The following RFC1 variants were observed in gnomAD, a reference collection of about 807,000 sequenced individuals.
RFC1 encodes the protein replication factor C subunit 1.
RFC1 carries 37 observed loss-of-function variants against 137.4 expected under a neutral mutation model. That is an observed-to-expected ratio of 0.27 (90% CI 0.21 to 0.35). The LOEUF is 0.35. Ranked by LOEUF, RFC1 falls within the 10% of genes least tolerant of loss-of-function variation. The pLI, the probability that RFC1 is intolerant of heterozygous loss-of-function variation, is 1.00. For missense variants in RFC1, 1,205 were observed against 1,358.5 expected, an observed-to-expected ratio of 0.89 and a Z score of 1.78; for synonymous variants, 429 against 455.7, an observed-to-expected ratio of 0.94 and a Z score of 0.75.
Position 39,348,455 on chromosome 4 carries a change from A to AG in RFC1, c.132+2892_132+2893insC, listed in dbSNP as rs2109749549. Among the ~76,000 whole-genome samples the AG allele has an allele frequency of 2.4e-4, 30 of 127,466 alleles. 1 individual carries two copies. The highest frequency in any genetic ancestry group is 6.7e-4 in the African/African-American group (26 of 38,546). The allele number at this position is 127,466 out of a possible 152,430, so 83.6% of individuals were successfully genotyped here. On this transcript the variant is annotated intron_variant, in intron 2 of 24. Transcript: ENST00000349703. ...AAAAGAAAAGAAAAGAAAAGAAAAG[A>AG]AAAGAAAAGAAAAGAAAAGAAAAGA...
intron 21 of RFC1, among the ~76,000 whole-genome samples, chr4:39,298,176 C>T (rs914032576): frequency 2.6e-5 from 4 of 152,022 alleles, no homozygotes; most frequent in African/African-American, 7.2e-5. Context: ...GGCATGATGG[C>T]GCACACCTAT....
rs567871559 is a variant in RFC1 at position 39,351,003 on chromosome 4, C to T, written c.132+345G>A. ...CGGTGGCTCACGCCTGTAATCTCAG[C>T]ACTTTGGGAGGCCAAGGCGGGCAGA... On this transcript the variant is annotated intron_variant, in intron 2 of 24. Coordinates refer to ENST00000349703, the MANE Select transcript of RFC1 (RefSeq NM_002913.5). 5.9e-5 allele frequency among the ~76,000 whole-genome samples: 9 copies of T among 152,210 alleles called. No homozygotes were observed. In the East Asian group the frequency reaches 1.2e-3, roughly 20 times the overall value.
At chr4:39,319,413 G>A (rs931784288) in intron 9 of RFC1, among the ~76,000 whole-genome samples, 2 of 152,072 alleles carry the variant, frequency 1.3e-5, no homozygotes, top group South Asian at 2.1e-4. Flanking sequence ...CTGTTTCCTC[G>A]TCTTTAAAAG....
At chr4:39,348,858 G>C (rs575640988) in intron 2 of RFC1, among the ~76,000 whole-genome samples, 3 of 136,698 alleles carry the variant, frequency 2.2e-5, no homozygotes, top group East Asian at 2.2e-4. Context: ...AGTGGGTCTA[G>C]AGGGCAGGGC....
chr4:39,365,153 GAAAAAAA>G lies in RFC1; in HGVS notation c.3+1079_3+1085del, dbSNP rs745527928. Among the ~76,000 whole-genome samples, 231 of 79,884 alleles carry G rather than the reference GAAAAAAA, an allele frequency of 2.9e-3. 1 individual carries two copies. Among genetic ancestry groups the G allele is most frequent in the African/African-American group, 9.8e-3 (214 of 21,756 alleles). The allele number at this position is 79,884 out of a possible 152,430, so 52.4% of individuals were successfully genotyped here. ...AAACTGCATCGATGTGGGTTGAAAT[GAAAAAAA>G]AAAAAAAAAAAAAAAACCATGGAAA... On this transcript the variant is annotated intron_variant, in intron 1 of 24. Transcript: ENST00000349703.
intron 23 of RFC1, 22 bp from the exon 24 acceptor site, chr4:39,290,061 A>T: frequency 6.4e-7 from 1 of 1,555,546 alleles, no homozygotes; most frequent in Non-Finnish European, 8.8e-7. Context: ...GAGTAGATGG[A>T]GTTTTTAAAA....
intron 1 of RFC1, chr4:39,365,324 C>CG (rs1553928383): frequency 8.7e-6 from 3 of 346,048 alleles, no homozygotes; most frequent in Non-Finnish European, 1.2e-5. Context: ...CGCCCCCCCC[C>CG]AGAATGTTGT....
intron 4 of RFC1, among the ~76,000 whole-genome samples, chr4:39,337,780 C>G (rs11727502): frequency 6.6e-6 from 1 of 151,872 alleles, no homozygotes; most frequent in African/African-American, 2.4e-5. Flanking sequence ...ATATTTTCTG[C>G]TACTATTTTC....
At position 39,304,895 on chromosome 4, in the gene RFC1, T is replaced by C; in HGVS notation, c.2029A>G (p.Ser677Gly). 6.2e-7 allele frequency: 1 copy of C among 1,612,940 alleles called. No homozygotes were observed. Among genetic ancestry groups the C allele is most frequent in the Non-Finnish European group, 8.5e-7 (1 of 1,178,912 alleles). ...AAACTGCTCTTACTCCGGGTGTCAC[T>C]TGCATTCAGTTCCACGTAGCTGTAT... ...LGYSYVELNA[S>G]DTRSKSSLKA... The change falls in exon 15 of 25, where the codon AGT (serine) becomes GGT (glycine). Residue 677 changes from serine (S) to glycine (G), a missense_variant. Around this residue, in one of 3 missense-constraint regions of RFC1, gnomAD observed 962 missense variants for 1,035.3 expected, o/e 0.93. Transcript: ENST00000349703.
At chr4:39,345,669 C>T (rs994842865) in intron 2 of RFC1, among the ~76,000 whole-genome samples, 193 bp from the exon 3 acceptor site, 2 of 152,070 alleles carry the variant, frequency 1.3e-5, no homozygotes, top group Non-Finnish European at 2.9e-5. Flanking sequence ...CACAGAAACC[C>T]GCCACAATGC....
At chr4:39,346,013 G>A (rs1740841895) in intron 2 of RFC1, among the ~76,000 whole-genome samples, 1 of 152,128 alleles carries the variant, frequency 6.6e-6, no homozygotes, top group Non-Finnish European at 1.5e-5. Flanking sequence ...AATAATTACA[G>A]AAAACGCTAT....
At chr4:39,306,081 T>C (rs536046246) in intron 14 of RFC1, among the ~76,000 whole-genome samples, 336 of 152,310 alleles carry the variant, frequency 2.2e-3, no homozygotes, top group African/African-American at 7.8e-3. Context: ...TCTCCCATTG[T>C]CTACAGGGAT....
chr4:39,315,823 C>G (rs1456501664), intron 10 of RFC1, among the ~76,000 whole-genome samples: 1 of 152,244 alleles, frequency 6.6e-6, no homozygotes, highest in African/African-American at 2.4e-5. Flanking sequence ...TTCTCACCAT[C>G]TCTCCTGATG....
intron 8 of RFC1, among the ~76,000 whole-genome samples, chr4:39,320,963 T>C (rs1739491056): frequency 6.6e-6 from 1 of 152,232 alleles, no homozygotes; most frequent in Admixed American, 6.5e-5. Flanking sequence ...ACTCTGAGAC[T>C]ACCTCTGACA....
chr4:39,363,139 C>A (rs922768331), intron 1 of RFC1, among the ~76,000 whole-genome samples: 1 of 152,168 alleles, frequency 6.6e-6, no homozygotes, highest in African/African-American at 2.4e-5. Flanking sequence ...AATAATTATA[C>A]CAACCAATTA....
intron 4 of RFC1, among the ~76,000 whole-genome samples, chr4:39,340,494 T>C (rs893240820): frequency 1.2e-4 from 18 of 152,170 alleles, no homozygotes; most frequent in Non-Finnish European, 1.3e-4. Context: ...ATACTGGTAA[T>C]ATAAAACAAA....
In RFC1 at chr4:39,302,393, T is replaced by G. The variant is rs2109609869; in HGVS notation, c.2437-17A>C. The G allele has an allele frequency of 6.3e-7, 1 of 1,589,822 alleles. No homozygotes were observed. The highest frequency in any genetic ancestry group is 1.7e-4 in the Middle Eastern group (1 of 6,016). On this transcript the variant is annotated splice_polypyrimidine_tract_variant and intron_variant, in intron 18 of 24. Coordinates refer to ENST00000349703, the MANE Select transcript of RFC1 (RefSeq NM_002913.5). ...ATGTAAAACCTAAAAGAATCACAAA[T>G]AAGACAACGTCAAGATAGGAAAATC...
chr4:39,348,387 C>T (rs1193953445), intron 2 of RFC1, among the ~76,000 whole-genome samples: 2 of 120,524 alleles, frequency 1.7e-5, no homozygotes, highest in Non-Finnish European at 3.6e-5. Flanking sequence ...TGCGCCACTG[C>T]ACTCCAGTCT....
Position 39,289,891 on chromosome 4 carries a change from T to C in RFC1, c.3317A>G (p.Asp1106Gly). The part of the protein sequence containing the change: ...EELNEDDSQS[D>G]EKDQDAIETD... ...TTCTATAGCATCTTGGTCTTTCTCA[T>C]CAGATTGAGAGTCATCTTCATTTAA... is the stretch of plus-strand genomic sequence containing the variant. Residue 1106 changes from aspartate to glycine, a missense_variant, in exon 24 of 25, where the codon GAT becomes GGT. By Grantham distance (94) the Asp-to-Gly change is moderately conservative. This residue lies in a region of RFC1 where 237 missense variants were observed against 304.2 expected (regional missense o/e 0.78). Coordinates refer to ENST00000349703, the MANE Select transcript of RFC1 (RefSeq NM_002913.5). 2 of 1,613,484 alleles carry C rather than the reference T, an allele frequency of 1.2e-6. No individual in the cohort carries two copies. The highest frequency in any genetic ancestry group is 1.7e-6 in the Non-Finnish European group (2 of 1,179,390).
Sources: allele counts gnomAD v4.1 joint callset (sites outside exome capture counted in the v4.1 genomes callset), GRCh38; gene constraint gnomAD v4.1.1; regional missense constraint gnomAD v4.1.1; transcripts MANE v1.5; gene names NCBI Gene and HGNC (gene_info 2026-07-23, HGNC 2026-07-21).